KMO: variants seen among roughly 807,000 people sequenced by gnomAD.
The protein encoded by KMO is kynurenine 3-hydroxylase.
A neutral mutation model predicts 57.8 loss-of-function variants in KMO; 24 were observed. That is an observed-to-expected ratio of 0.42 (90% CI 0.30 to 0.58). The LOEUF (loss-of-function observed/expected upper bound fraction) is 0.58, where lower values mean the gene tolerates loss of function less well. KMO is among the 20% of genes least tolerant of loss of function. KMO has a pLI of 0.22. For missense variants in KMO, 483 were observed against 588.2 expected (o/e 0.82, Z 1.85); for synonymous variants, 210 against 193.6 (o/e 1.08, Z -0.70).
chr1:241,568,785 T>C (rs1160222188), intron 10 of KMO, 138 bp downstream of exon 10: 4 of 818,680 alleles, frequency 4.9e-6, no homozygotes, highest in African/African-American at 3.5e-5. Flanking sequence ...TCATACCAGC[T>C]GTGTAGCTAG....
At chr1:241,581,278 C>G (rs1662740381) in intron 10 of KMO, among the ~76,000 whole-genome samples, 1 of 152,012 alleles carries the variant, frequency 6.6e-6, no homozygotes, top group African/African-American at 2.4e-5. Flanking sequence ...TTTTATACAT[C>G]CAACTGCTCT....
intron 5 of KMO, among the ~76,000 whole-genome samples, chr1:241,560,306 A>G (rs1038084103): frequency 5.3e-5 from 8 of 152,318 alleles, no homozygotes; most frequent in East Asian, 1.9e-4. Context: ...GTTTGACTGA[A>G]TATTTCCAGT....
In KMO at chr1:241,592,027, G is replaced by A. The variant is rs1663322910; in HGVS notation, c.1335G>A (p.Met445Ile). ...ISSTYLLIHY[M>I]SPRSFLRLRR... is the part of the protein sequence containing the mutation. ...GTACCTACCTACTTATACACTACAT[G>A]TCACCACGATCTTTCCTCCGCTTGA... Residue 445 changes from methionine (M) to isoleucine (I), a missense_variant, in exon 15 of 15, where the codon ATG becomes ATA. Physicochemically the swap from Met to Ile is conservative, Grantham distance 10 (BLOSUM62 1). Around this residue, in one of 3 missense-constraint regions of KMO, gnomAD observed 410 missense variants for 492.3 expected, o/e 0.83. Coordinates refer to ENST00000366559, the MANE Select transcript of KMO (RefSeq NM_003679.5). The A allele has an allele frequency of 6.2e-7, 1 of 1,613,820 alleles. No homozygotes were observed. The highest frequency in any genetic ancestry group is 1.7e-5 in the Admixed American group (1 of 59,976).
intron 5 of KMO, among the ~76,000 whole-genome samples, chr1:241,556,310 A>AT (rs369300911): frequency 1.1e-4 from 17 of 151,452 alleles, no homozygotes; most frequent in Admixed American, 7.9e-4. Flanking sequence ...ATTTTTTTAC[A>AT]TTTTTTTTAA....
intron 4 of KMO, 55 bp from the exon 5 acceptor site, chr1:241,555,557 A>C: frequency 1.1e-6 from 1 of 951,978 alleles, no homozygotes; most frequent in Non-Finnish European, 1.7e-6. Flanking sequence ...ATAACTTAGA[A>C]TTATATTTGT....
chr1:241,563,398 C>T (rs1661952320), intron 7 of KMO, among the ~76,000 whole-genome samples: 1 of 152,162 alleles, frequency 6.6e-6, no homozygotes, highest in South Asian at 2.1e-4. Flanking sequence ...CTCTTAAATC[C>T]AGACAAGGGT....
chr1:241,552,057 AATG>A (rs1661417948), intron 4 of KMO, among the ~76,000 whole-genome samples: 1 of 152,084 alleles, frequency 6.6e-6, no homozygotes, highest in Admixed American at 6.5e-5. Context: ...CTGAACCAGT[AATG>A]TATCCATAGA....
At chr1:241,591,434 A>AAAG (rs1553352402) in intron 14 of KMO, among the ~76,000 whole-genome samples, 1 of 151,884 alleles carries the variant, frequency 6.6e-6, no homozygotes, top group African/African-American at 2.4e-5. Flanking sequence ...TCAAAAAAAA[A>AAAG]AAAAGAAAAG....
chr1:241,551,080 T>C, intron 4 of KMO, 36 bp downstream of exon 4: 4 of 1,199,058 alleles, frequency 3.3e-6, no homozygotes, highest in Non-Finnish European at 4.8e-6. Context: ...GCATTGATTA[T>C]AAGGAAGTCA....
intron 4 of KMO, among the ~76,000 whole-genome samples, chr1:241,553,532 T>A (rs1661491373): frequency 1.3e-5 from 2 of 151,822 alleles, no homozygotes; most frequent in Admixed American, 1.3e-4. Flanking sequence ...ATAAAAAAAT[T>A]TAAAAATTAG....
intron 4 of KMO, among the ~76,000 whole-genome samples, chr1:241,552,948 A>T (rs941719013): frequency 3.9e-5 from 6 of 152,162 alleles, no homozygotes; most frequent in Non-Finnish European, 8.8e-5. Flanking sequence ...CTTAATCCTA[A>T]CCTAACCTCT....
chr1:241,562,901 A>C (rs55851224), intron 7 of KMO, among the ~76,000 whole-genome samples: 36,014 of 82,636 alleles, frequency 0.44, 5,246 homozygotes, highest in Non-Finnish European at 0.5. Context: ...GAAGGAAGGA[A>C]GGAAGGAAGG....
rs772842285 is a variant in KMO at position 241,590,035 on chromosome 1, C to T, written c.1122C>T (p.Ser374=). The T allele has an allele frequency of 9.9e-6, 16 of 1,613,794 alleles. No homozygotes were observed. The highest frequency in any genetic ancestry group is 1.1e-5 in the Non-Finnish European group (13 of 1,179,836). Residue 374 remains serine (S), a synonymous_variant, in exon 13 of 15, where the codon AGC becomes AGT. Transcript: ENST00000366559. The part of the protein sequence containing the change: ...YIEMRAHVNS[S]WFIFQKNMER... ...AGATGCGAGCACATGTCAACTCAAGCTGGTTCATTTTTCAGAAGAACATGG... is the reference window on the plus strand; with the variant it reads ...AGATGCGAGCACATGTCAACTCAAGTTGGTTCATTTTTCAGAAGAACATGG...
At chr1:241,564,938 G>T (rs1414130110) in intron 7 of KMO, 49 bp from the exon 8 acceptor site, 5 of 1,179,302 alleles carry the variant, frequency 4.2e-6, no homozygotes, top group Non-Finnish European at 6.3e-6. Context: ...CCGTTTTATA[G>T]GTTTGCTATA....
intron 1 of KMO, among the ~76,000 whole-genome samples, chr1:241,547,623 A>G (rs1332480961): frequency 6.6e-6 from 1 of 151,814 alleles, no homozygotes; most frequent in Non-Finnish European, 1.5e-5. Flanking sequence ...TTAGTAATTA[A>G]GCATATGCAA....
At position 241,557,663 on chromosome 1, in the gene KMO, C is replaced by T. The variant is rs535051050; in HGVS notation, c.361+2003C>T. Reference sequence around the variant, plus strand: ...TTGCTAGGTATATTCAGGTTGATCTCAAGAAAGCAAATGAACCAGCCGGGT... The same window carrying T: ...TTGCTAGGTATATTCAGGTTGATCTTAAGAAAGCAAATGAACCAGCCGGGT... On this transcript the variant is annotated intron_variant, in intron 5 of 14. Coordinates refer to ENST00000366559, the MANE Select transcript of KMO (RefSeq NM_003679.5). Among the ~76,000 whole-genome samples the T allele has an allele frequency of 2.6e-5, 4 of 152,178 alleles. No homozygotes were observed. The East Asian group carries it at 7.7e-4, about 29-fold the overall frequency.
At chr1:241,547,574 ACT>A (rs1191433275) in intron 1 of KMO, among the ~76,000 whole-genome samples, 1 of 149,638 alleles carries the variant, frequency 6.7e-6, no homozygotes, top group African/African-American at 2.5e-5. Flanking sequence ...ACAGAGCGAG[ACT>A]CTGTCTCAAA....
chr1:241,572,861 T>C (rs1662355306), intron 10 of KMO, among the ~76,000 whole-genome samples: 1 of 152,124 alleles, frequency 6.6e-6, no homozygotes, highest in African/African-American at 2.4e-5. Context: ...ATAATTTAGC[T>C]CCCACTTATA....
Position 241,566,541 on chromosome 1 carries a change from A to C in KMO, c.738A>C (p.Lys246Asn). The C allele has an allele frequency of 6.2e-7, 1 of 1,613,542 alleles. No individual in the cohort carries two copies. The highest frequency in any genetic ancestry group is 8.5e-7 in the Non-Finnish European group (1 of 1,179,592). ...TLFMPFEEFE[K>N]LLTSNDVVDF... is the part of the protein sequence containing the mutation. The stretch of plus-strand genomic sequence containing the variant: ...TCATGCCCTTTGAAGAGTTTGAAAA[A>C]CTTCTAACCAGTAATGATGTGGTAG... The change falls in exon 9 of 15, where the codon AAA becomes AAC. Residue 246 changes from lysine (K) to asparagine (N), a missense_variant. Transcript: ENST00000366559.
Sources: gnomAD v4.1 joint callset for allele counts (sites outside exome capture counted in the v4.1 genomes callset) on GRCh38, gnomAD v4.1.1 for gene constraint, gnomAD v4.1.1 regional missense constraint, MANE v1.5 for transcripts, NCBI Gene and HGNC (gene_info 2026-07-23, HGNC 2026-07-21) for gene names.